The following PRR16 variants were observed in gnomAD, a reference collection of about 807,000 sequenced individuals.
PRR16 encodes proline rich 16, also known as protein Largen.
A neutral mutation model predicts 18.2 loss-of-function variants in PRR16; 6 were observed. That is an observed-to-expected ratio of 0.33 (90% CI 0.18 to 0.65). PRR16 has a LOEUF of 0.65. PRR16 is among the 30% of genes least tolerant of loss of function. The probability of loss-of-function intolerance (pLI) is 0.74; values close to 1 mark genes in which losing one functional copy is unlikely to be tolerated. For synonymous variants in PRR16, 151 were observed against 147.8 expected (o/e 1.02, Z -0.16); for missense variants, 412 against 376.6 (o/e 1.09, Z -0.78).
chr5:120,667,698 T>C (rs1206226930), intron 1 of PRR16, among the ~76,000 whole-genome samples: 1 of 152,038 alleles, frequency 6.6e-6, no homozygotes, highest in Non-Finnish European at 1.5e-5. Flanking sequence ...ATTTCTGCCT[T>C]CATTTCATTA....
intron 1 of PRR16, among the ~76,000 whole-genome samples, chr5:120,557,162 A>G (rs1282469310): frequency 6.6e-6 from 1 of 151,904 alleles, no homozygotes; most frequent in Non-Finnish European, 1.5e-5. Flanking sequence ...AAATTTTCTT[A>G]AACACTCATA....
rs145832337 is a variant in PRR16 at position 120,501,623 on chromosome 5, G to C, written c.159+36978G>C. On this transcript the variant is annotated intron_variant, in intron 1 of 1. Transcript: ENST00000407149. The stretch of plus-strand genomic sequence containing the variant: ...TGGTGCAGATGTCATTCATAGAAAT[G>C]AGTGGAACTATCCAAATTGAAAAAT... 3.9e-5 allele frequency among the ~76,000 whole-genome samples: 6 copies of C among 152,216 alleles called. No homozygotes were observed. In the East Asian group the frequency reaches 5.8e-4, roughly 15 times the overall value.
intron 1 of PRR16, among the ~76,000 whole-genome samples, chr5:120,550,971 G>C (rs1043118619): frequency 4.6e-5 from 7 of 151,766 alleles, no homozygotes; most frequent in African/African-American, 1.7e-4. Flanking sequence ...GATACATGTA[G>C]ACATTGTGAA....
At chr5:120,689,745 A>G (rs1392558410), downstream of PRR16, among the ~76,000 whole-genome samples, 1 of 150,554 alleles carries the variant, frequency 6.6e-6, no homozygotes, top group East Asian at 1.9e-4. Flanking sequence ...AATTGGAATA[A>G]ACAGGGTGTT....
the PRR16 span, among the ~76,000 whole-genome samples, chr5:120,769,389 A>T: frequency 2.6e-5 from 4 of 151,726 alleles, no homozygotes; most frequent in Non-Finnish European, 5.9e-5. Flanking sequence ...CTACCCTCTT[A>T]ATAAATTTTG....
At chr5:120,763,216 G>T in the PRR16 span, among the ~76,000 whole-genome samples, 1 of 151,810 alleles carries the variant, frequency 6.6e-6, no homozygotes, top group African/African-American at 2.4e-5. Context: ...GCATGATATC[G>T]GCTCACTGCA....
chr5:120,650,075 G>T (rs983327015), intron 1 of PRR16, among the ~76,000 whole-genome samples: 2 of 151,828 alleles, frequency 1.3e-5, no homozygotes, highest in Non-Finnish European at 2.9e-5. Flanking sequence ...AAAATTAACT[G>T]GGTGTGGCAG....
intron 1 of PRR16, among the ~76,000 whole-genome samples, chr5:120,685,554 C>CT (rs917817398): frequency 1.3e-5 from 2 of 151,012 alleles, no homozygotes; most frequent in African/African-American, 4.9e-5. Flanking sequence ...TGCAGATTAT[C>CT]TTTTTTTTTA....
At chr5:120,626,263 A>C (rs769636493) in intron 1 of PRR16, among the ~76,000 whole-genome samples, 1 of 152,162 alleles carries the variant, frequency 6.6e-6, no homozygotes, top group Non-Finnish European at 1.5e-5. Flanking sequence ...ATACAATGGC[A>C]TACTGTTTGG....
chr5:120,751,037 T>C, the PRR16 span, among the ~76,000 whole-genome samples: 3 of 152,164 alleles, frequency 2.0e-5, no homozygotes, highest in Admixed American at 1.3e-4. Context: ...GATCATGTGA[T>C]ATTTGTCTTT....
At chr5:120,642,502 G>A (rs7711106) in intron 1 of PRR16, among the ~76,000 whole-genome samples, 84,110 of 151,734 alleles carry the variant, frequency 0.55, 24,080 homozygotes, top group Middle Eastern at 0.67. Context: ...CTTGAAAATC[G>A]CTGATCTGTA....
chr5:120,579,641 A>C (rs1753199642), intron 1 of PRR16, among the ~76,000 whole-genome samples: 1 of 150,886 alleles, frequency 6.6e-6, no homozygotes, highest in Non-Finnish European at 1.5e-5. Flanking sequence ...ACCATGGTGT[A>C]GCCTGTAATA....
chr5:120,779,550 C>T, the PRR16 span, among the ~76,000 whole-genome samples: 1 of 152,150 alleles, frequency 6.6e-6, no homozygotes, highest in Non-Finnish European at 1.5e-5. Flanking sequence ...TAAATGTTCG[C>T]ATTTCGTGTG....
chr5:120,612,649 A>T (rs1754373086), intron 1 of PRR16, among the ~76,000 whole-genome samples: 2 of 152,162 alleles, frequency 1.3e-5, no homozygotes, highest in Non-Finnish European at 2.9e-5. Context: ...AGCCATGTAG[A>T]ACTATAAGTC....
In PRR16 at chr5:120,677,126, A is replaced by G. The variant is rs1446132882; in HGVS notation, c.160-8828A>G. On this transcript the variant is annotated intron_variant, in intron 1 of 1. Transcript: ENST00000407149. ...AAATACTGTGATCTAGCAGCAGAAC[A>G]CGAAGTTGTAGGCTGTATAATGAGG... Among the ~76,000 whole-genome samples the G allele has an allele frequency of 5.3e-5, 8 of 152,360 alleles. No homozygotes were observed. In the South Asian group the frequency reaches 1.7e-3, roughly 32 times the overall value.
At chr5:120,782,425 G>GTGTT in the PRR16 span, among the ~76,000 whole-genome samples, 1 of 152,146 alleles carries the variant, frequency 6.6e-6, no homozygotes, top group Admixed American at 6.5e-5. Context: ...CTTTCAAATT[G>GTGTT]TGTTTTAAAA....
the PRR16 span, among the ~76,000 whole-genome samples, chr5:120,761,524 G>A: frequency 6.6e-6 from 1 of 152,058 alleles, no homozygotes; most frequent in Non-Finnish European, 1.5e-5. Flanking sequence ...CTAGTTAGAG[G>A]TTGCAAAATT....
chr5:120,689,331 C>A (rs1176091310), downstream of PRR16, among the ~76,000 whole-genome samples: 1 of 152,112 alleles, frequency 6.6e-6, no homozygotes, highest in African/African-American at 2.4e-5. Context: ...AATTAACATA[C>A]AGCTTCATAA....
rs775127742 is a variant in PRR16, at chr5:120,686,599, A to G, written c.805A>G (p.Ile269Val). The G allele has an allele frequency of 5.0e-6, 8 of 1,613,696 alleles. No individual in the cohort carries two copies. Among genetic ancestry groups the G allele is most frequent in the South Asian group, 2.2e-5 (2 of 91,008 alleles). ...CCCACTAGAAAATGGGGGAATGGGA[A>G]TAAGCCACAGTAACAGCTTCCCCCC... ...PFPLENGGMG[I>V]SHSNSFPPIR... The change falls in exon 2 of 2, where the codon ATA becomes GTA. Residue 269 changes from isoleucine (I) to valine (V), a missense_variant. By Grantham distance (29) the Ile-to-Val change is conservative. Coordinates refer to ENST00000407149, the MANE Select transcript of PRR16 (RefSeq NM_001300783.2).
Sources: gnomAD v4.1 joint callset for allele counts (sites outside exome capture counted in the v4.1 genomes callset) on GRCh38, gnomAD v4.1.1 for gene constraint, MANE v1.5 for transcripts, NCBI Gene and HGNC (gene_info 2026-07-23, HGNC 2026-07-21) for gene names.